Variants in GRIN2B observed in about 807,000 individuals in gnomAD.
The protein encoded by GRIN2B is glutamate receptor ionotropic, NMDA 2B.
In GRIN2B, 5 loss-of-function variants were observed where a neutral mutation model predicts 114.5. That is an observed-to-expected ratio of 0.04 (90% CI 0.02 to 0.09). The LOEUF is 0.09. Among genes scored for constraint, GRIN2B ranks in the 10% least tolerant of loss-of-function variants. The probability of loss-of-function intolerance (pLI) is 1.00; values close to 1 mark genes in which losing one functional copy is unlikely to be tolerated. For synonymous variants in GRIN2B, 787 were observed against 745.1 expected (o/e 1.06, Z -0.92); for missense variants, 1,108 against 1,943.5 (o/e 0.57, Z 8.08).
chr12:13,590,585 T>G (rs35113935), intron 10 of GRIN2B, among the ~76,000 whole-genome samples: 13,561 of 152,256 alleles, frequency 0.089, 656 homozygotes, highest in Non-Finnish European at 0.1. Flanking sequence ...GAACTCATTT[T>G]TTTTATGGCT....
chr12:13,691,541 T>C (rs1304591732), intron 4 of GRIN2B, among the ~76,000 whole-genome samples: 3 of 149,784 alleles, frequency 2.0e-5, no homozygotes, highest in Non-Finnish European at 4.5e-5. Flanking sequence ...TTTCAGTCAA[T>C]TTCTTTACCC....
intron 5 of GRIN2B, among the ~76,000 whole-genome samples, chr12:13,653,737 T>C (rs1949839203): frequency 6.6e-6 from 1 of 152,086 alleles, no homozygotes; most frequent in Admixed American, 6.6e-5. Flanking sequence ...ATTAACTCAG[T>C]AGGCGACTTT....
At chr12:13,777,527 A>C (rs1864026686) in intron 3 of GRIN2B, among the ~76,000 whole-genome samples, 1 of 152,198 alleles carries the variant, frequency 6.6e-6, no homozygotes, top group Non-Finnish European at 1.5e-5. Context: ...CTTCAGAATA[A>C]GGACCTGGGA....
intron 3 of GRIN2B, among the ~76,000 whole-genome samples, chr12:13,761,780 A>C (rs1863684540): frequency 6.6e-6 from 1 of 152,240 alleles, no homozygotes; most frequent in Admixed American, 6.5e-5. Context: ...CTTTTAAATA[A>C]ACACAAGGGA....
At position 13,564,067 on chromosome 12, in the gene GRIN2B, G is replaced by GATGT. The variant is rs780435456; in HGVS notation, c.3170_3171insACAT (p.Ser1058HisfsTer6). 1 of 1,614,214 alleles carries GATGT rather than the reference G, an allele frequency of 6.2e-7. No individual in the cohort carries two copies. Among genetic ancestry groups the GATGT allele is most frequent in the Non-Finnish European group, 8.5e-7 (1 of 1,180,016 alleles). ...GGGTTGAGATGTCAGAGACATCGGA[G>GATGT]CGGATCAAGTCGTCGTGGCCACTGT... On this transcript the variant is annotated frameshift_variant, in exon 14 of 14. Transcript: ENST00000609686. LOFTEE classifies it high-confidence loss of function. The surrounding 1 kb of genome is among the most constrained non-coding windows in gnomAD (Gnocchi z 4.8).
chr12:13,762,149 G>A (rs1186434686), intron 3 of GRIN2B, among the ~76,000 whole-genome samples: 1 of 151,996 alleles, frequency 6.6e-6, no homozygotes, highest in East Asian at 1.9e-4. Flanking sequence ...GACTACAGGC[G>A]CCCGCCACCA....
intron 2 of GRIN2B, among the ~76,000 whole-genome samples, chr12:13,917,725 G>A (rs1866757297): frequency 6.6e-6 from 1 of 152,160 alleles, no homozygotes; most frequent in Non-Finnish European, 1.5e-5. Flanking sequence ...TAATATCACT[G>A]ATAGGTATAA....
At chr12:13,954,811 G>GCAAAAAAAAAAAAAA (rs751637054) in intron 2 of GRIN2B, among the ~76,000 whole-genome samples, 2 of 25,552 alleles carry the variant, frequency 7.8e-5, no homozygotes, top group East Asian at 5.5e-4. Flanking sequence ...TCCGTCTCAG[G>GCAAAAAAAAAAAAAA]AAAAAAAAAA....
chr12:13,669,565 A>G lies in GRIN2B; in HGVS notation c.1125+6180T>C, dbSNP rs559444839. Among the ~76,000 whole-genome samples the G allele has an allele frequency of 8.5e-5, 13 of 152,160 alleles. 1 individual carries two copies. The South Asian group carries it at 2.3e-3, about 27-fold the overall frequency. On this transcript the variant is annotated intron_variant, in intron 5 of 13. Coordinates refer to ENST00000609686, the MANE Select transcript of GRIN2B (RefSeq NM_000834.5). ...TCTGTAGAGCCTGGAGAGAGCATGA[A>G]TATCCCCTGGCCTCTCCTCTGAGGC...
At chr12:13,741,732 C>T (rs567869411) in intron 4 of GRIN2B, among the ~76,000 whole-genome samples, 5 of 152,018 alleles carry the variant, frequency 3.3e-5, no homozygotes, top group Admixed American at 1.3e-4. Flanking sequence ...TTTAATATTT[C>T]TGTATTTTAT....
Position 13,564,099 on chromosome 12 carries a change from C to T in GRIN2B, c.3139G>A (p.Asp1047Asn). 2 of 1,614,104 alleles carry T rather than the reference C, an allele frequency of 1.2e-6. No homozygotes were observed. The highest frequency in any genetic ancestry group is 1.7e-6 in the Non-Finnish European group (2 of 1,180,018). Residue 1047 changes from aspartate (D) to asparagine (N), a missense_variant, in exon 14 of 14, where the codon GAC (aspartate) becomes AAC (asparagine). Coordinates refer to ENST00000609686, the MANE Select transcript of GRIN2B (RefSeq NM_000834.5). The surrounding 1 kb of genome is among the most constrained non-coding windows in gnomAD (Gnocchi z 4.8). ...DLYGKFSFKSDRYSGHDDLIR... is the reference protein window; with the variant it reads ...DLYGKFSFKSNRYSGHDDLIR... ...AAGTCGTCGTGGCCACTGTAGCGGT[C>T]GCTCTTGAAGGAGAATTTGCCGTAC...
chr12:13,743,540 A>G (rs1174976447), intron 4 of GRIN2B, among the ~76,000 whole-genome samples: 1 of 152,138 alleles, frequency 6.6e-6, no homozygotes, highest in Non-Finnish European at 1.5e-5. Context: ...GAACTGTAAT[A>G]TAATAATGCT....
At chr12:13,743,507 A>ATTATTAAGATCTGTGTAATAG (rs1376081616) in intron 4 of GRIN2B, among the ~76,000 whole-genome samples, 1 of 152,166 alleles carries the variant, frequency 6.6e-6, no homozygotes, top group Non-Finnish European at 1.5e-5. Context: ...AATTTGACAC[A>ATTATTAAGATCTGTGTAATAG]TTATTAAGAT....
chr12:13,734,028 G>A (rs751707566), intron 4 of GRIN2B, among the ~76,000 whole-genome samples: 68 of 152,326 alleles, frequency 4.5e-4, no homozygotes, highest in Non-Finnish European at 7.9e-4. Flanking sequence ...GGAGGGAAAA[G>A]AGAAGGGTCT....
At chr12:13,978,913 A>C (rs1262312809) in intron 2 of GRIN2B, among the ~76,000 whole-genome samples, 1 of 152,216 alleles carries the variant, frequency 6.6e-6, no homozygotes, top group Non-Finnish European at 1.5e-5. Flanking sequence ...AATACTGCCT[A>C]ATCACATTTC....
chr12:13,645,039 T>A (rs1949749768), intron 5 of GRIN2B, among the ~76,000 whole-genome samples: 1 of 152,154 alleles, frequency 6.6e-6, no homozygotes, highest in Admixed American at 6.6e-5. Flanking sequence ...CTTCCTTCAA[T>A]AAGCTTTCCT....
intron 4 of GRIN2B, among the ~76,000 whole-genome samples, chr12:13,708,525 A>G (rs371063253): frequency 2.0e-5 from 3 of 152,102 alleles, no homozygotes; most frequent in East Asian, 1.9e-4. Flanking sequence ...AAATAAGTCT[A>G]TCCTTTGGTT....
At chr12:13,945,226 T>G (rs1488212995) in intron 2 of GRIN2B, among the ~76,000 whole-genome samples, 1 of 152,200 alleles carries the variant, frequency 6.6e-6, no homozygotes, top group Admixed American at 6.5e-5. Flanking sequence ...ACTAAGCACC[T>G]GCTACTCTTC....
At chr12:13,594,356 C>A (rs1005369421) in intron 10 of GRIN2B, among the ~76,000 whole-genome samples, 1 of 152,058 alleles carries the variant, frequency 6.6e-6, no homozygotes, top group African/African-American at 2.4e-5. Context: ...AAAAAAGGAT[C>A]AGTTCATGTC....
Sources: gnomAD v4.1 joint callset for allele counts (sites outside exome capture counted in the v4.1 genomes callset) on GRCh38, gnomAD v4.1.1 for gene constraint, Gnocchi (gnomAD v3.1) non-coding constraint, MANE v1.5 for transcripts, NCBI Gene and HGNC (gene_info 2026-07-23, HGNC 2026-07-21) for gene names.